Variants in CSMD1 observed in about 807,000 individuals in gnomAD.
CSMD1 encodes the protein CUB and sushi domain-containing protein 1.
CSMD1 carries 213 observed loss-of-function variants against 417.5 expected under a neutral mutation model. That is an observed-to-expected ratio of 0.51 (90% confidence interval 0.46 to 0.57). CSMD1 has a LOEUF of 0.57. Ranked by LOEUF, CSMD1 falls within the 20% of genes least tolerant of loss-of-function variation. The pLI, the probability that CSMD1 is intolerant of heterozygous loss-of-function variation, is 0.00. For missense variants in CSMD1, 6,923 were observed against 4,529.7 expected, an observed-to-expected ratio of 1.53 and a Z score of -15.17; for synonymous variants, 2,862 against 1,736.8, an observed-to-expected ratio of 1.65 and a Z score of -16.11.
At chr8:4,975,938 T>C (rs1810535301) in intron 1 of CSMD1, among the ~76,000 whole-genome samples, 1 of 152,226 alleles carries the variant, frequency 6.6e-6, no homozygotes, top group Non-Finnish European at 1.5e-5. Flanking sequence ...TGATAAAACA[T>C]AATTTTATTT....
intron 3 of CSMD1, among the ~76,000 whole-genome samples, chr8:4,262,614 T>C (rs1241443809): frequency 1.3e-5 from 2 of 152,062 alleles, no homozygotes; most frequent in Admixed American, 1.3e-4. Flanking sequence ...ACCCTGGAGC[T>C]TCAAACAGCC....
intron 2 of CSMD1, among the ~76,000 whole-genome samples, chr8:4,596,360 G>A (rs73502529): frequency 0.029 from 4,367 of 152,222 alleles, 97 homozygotes; most frequent in African/African-American, 0.064. Context: ...AAGGGTCTCA[G>A]GGAGACTTTC....
intron 5 of CSMD1, chr8:3,949,981 T>A (rs2554516): frequency 2.2e-6 from 1 of 455,338 alleles, no homozygotes; most frequent in African/African-American, 2.0e-5. Context: ...TCTCCAGGCT[T>A]GCATGAAATT....
chr8:4,566,231 G>C (rs2130634381), intron 2 of CSMD1, among the ~76,000 whole-genome samples: 1 of 152,090 alleles, frequency 6.6e-6, no homozygotes, highest in African/African-American at 2.4e-5. Flanking sequence ...CAACAATGTA[G>C]CTATGAAAAT....
At chr8:4,598,352 G>C (rs542377415) in intron 2 of CSMD1, among the ~76,000 whole-genome samples, 3 of 152,200 alleles carry the variant, frequency 2.0e-5, no homozygotes, top group Non-Finnish European at 4.4e-5. Flanking sequence ...TGGTGTTGGA[G>C]GTTAGGGGCT....
chr8:4,459,493 G>A lies in CSMD1; in HGVS notation c.303-39428C>T, dbSNP rs142514638. Among the ~76,000 whole-genome samples the A allele has an allele frequency of 1.8e-3, 274 of 152,308 alleles. 3 individuals carry two copies. Among genetic ancestry groups the A allele is most frequent in the African/African-American group, 6.3e-3 (261 of 41,586 alleles). On this transcript the variant is annotated intron_variant, in intron 2 of 69. Transcript: ENST00000635120. Reference sequence around the variant, plus strand: ...GGGCAGGAAATTCAAATCCAAGGTTGCTCTCAAAAATAAATGGAAATTGTG... The same window carrying A: ...GGGCAGGAAATTCAAATCCAAGGTTACTCTCAAAAATAAATGGAAATTGTG...
intron 2 of CSMD1, among the ~76,000 whole-genome samples, chr8:4,496,164 A>G (rs1054489465): frequency 6.6e-6 from 1 of 152,206 alleles, no homozygotes; most frequent in Non-Finnish European, 1.5e-5. Flanking sequence ...TTGAAACCAT[A>G]CTATGAAGAG....
chr8:4,020,622 C>G (rs1356283758), intron 4 of CSMD1, among the ~76,000 whole-genome samples: 1 of 152,116 alleles, frequency 6.6e-6, no homozygotes, highest in Non-Finnish European at 1.5e-5. Context: ...CTGCTAGGTC[C>G]CTAGAATCAC....
Position 3,411,939 on chromosome 8 carries a change from T to C in CSMD1, c.1562-2334A>G, listed in dbSNP as rs1176413789. Among the ~76,000 whole-genome samples, 24 of 115,910 alleles carry C rather than the reference T, an allele frequency of 2.1e-4. 5 individuals are homozygous for C. Among genetic ancestry groups the C allele is most frequent in the Admixed American group, 5.8e-4 (7 of 12,020 alleles). The allele number at this position is 115,910 out of a possible 152,430, so 76.0% of individuals were successfully genotyped here. A position where few individuals can be genotyped will look rare whatever the true frequency, so the allele number is the denominator to read the frequency against. On this transcript the variant is annotated intron_variant, in intron 12 of 69. Transcript: ENST00000635120. ...ATATGCACGTATATATACACGTATA[T>C]ATGCACGTATATATACACGTATATA...
chr8:3,323,434 G>A lies in CSMD1; in HGVS notation c.3632-14931C>T, dbSNP rs137912543. ...AATAGTCATCAAAGCCAGAAACGCT[G>A]GTCCATTCTGAACCCCTCTCTCTCT... On this transcript the variant is annotated intron_variant, in intron 23 of 69. Transcript: ENST00000635120. Among the ~76,000 whole-genome samples the A allele has an allele frequency of 4.1e-3, 626 of 151,478 alleles. 9 individuals are homozygous for A. Among genetic ancestry groups the A allele is most frequent in the African/African-American group, 0.014 (592 of 41,272 alleles).
intron 1 of CSMD1, among the ~76,000 whole-genome samples, chr8:4,827,087 G>C (rs1201414808): frequency 2.0e-5 from 3 of 152,060 alleles, no homozygotes; most frequent in African/African-American, 7.2e-5. Context: ...TCCATGTTCT[G>C]GCAATGCCCT....
intron 1 of CSMD1, among the ~76,000 whole-genome samples, chr8:4,813,826 G>T (rs17071510): frequency 0.05 from 7,659 of 152,216 alleles, 355 homozygotes; most frequent in East Asian, 0.24. Context: ...CAGATACAAG[G>T]CAGTAATTCC....
intron 4 of CSMD1, among the ~76,000 whole-genome samples, chr8:3,998,989 T>A (rs943867658): frequency 2.7e-5 from 4 of 147,356 alleles, no homozygotes; most frequent in African/African-American, 9.8e-5. Flanking sequence ...ATAAACTATA[T>A]GATAGTTTAT....
chr8:3,255,009 C>T (rs1800546714), intron 26 of CSMD1, among the ~76,000 whole-genome samples: 1 of 152,044 alleles, frequency 6.6e-6, no homozygotes, highest in African/African-American at 2.4e-5. Context: ...GTTTTATCTA[C>T]CTTTGGTCTT....
chr8:3,640,107 G>C (rs1356329275), intron 7 of CSMD1, among the ~76,000 whole-genome samples: 1 of 152,032 alleles, frequency 6.6e-6, no homozygotes, highest in Non-Finnish European at 1.5e-5. Flanking sequence ...CCCATGTAGA[G>C]GTCCTTTTTT....
At chr8:3,958,268 T>G (rs2740843) in intron 5 of CSMD1, among the ~76,000 whole-genome samples, 4 of 150,968 alleles carry the variant, frequency 2.6e-5, no homozygotes, top group African/African-American at 9.7e-5. Context: ...AATATTACAA[T>G]GTGGTTTTTT....
chr8:3,583,083 A>G (rs757141131), intron 9 of CSMD1, among the ~76,000 whole-genome samples: 16 of 152,068 alleles, frequency 1.1e-4, no homozygotes, highest in African/African-American at 1.7e-4. Context: ...AGCAGCTTTG[A>G]CCTCTTCCTG....
intron 2 of CSMD1, among the ~76,000 whole-genome samples, chr8:4,487,764 C>G (rs1801491629): frequency 6.6e-6 from 1 of 152,108 alleles, no homozygotes; most frequent in Non-Finnish European, 1.5e-5. Context: ...CCTTAATCGT[C>G]TAAAGAAAAT....
At chr8:4,632,028 C>G (rs559910857) in intron 2 of CSMD1, among the ~76,000 whole-genome samples, 1 of 152,154 alleles carries the variant, frequency 6.6e-6, no homozygotes, top group Non-Finnish European at 1.5e-5. Context: ...TAGATGTCAA[C>G]GTCAATTGTT....
Sources: allele counts gnomAD v4.1 joint callset (sites outside exome capture counted in the v4.1 genomes callset), GRCh38; gene constraint gnomAD v4.1.1; transcripts MANE v1.5; gene names NCBI Gene and HGNC (gene_info 2026-07-23, HGNC 2026-07-21).